The following ADARB2 variants were observed in gnomAD, a reference collection of about 807,000 sequenced individuals.
ADARB2 encodes the protein adenosine deaminase RNA specific B2 (inactive).
Under a neutral mutation model 62.2 loss-of-function variants are expected in ADARB2, and 25 were observed. The ratio of observed to expected loss-of-function variants is 0.40; its 90% CI spans 0.29 to 0.56. The LOEUF is 0.56. ADARB2 is among the 20% of genes least tolerant of loss of function. The probability of loss-of-function intolerance (pLI) is 0.43; values close to 1 mark genes in which losing one functional copy is unlikely to be tolerated. For missense variants in ADARB2, 1,071 were observed against 1,077.4 expected (o/e 0.99, Z 0.08); for synonymous variants, 572 against 500.8 (o/e 1.14, Z -1.90).
intron 1 of ADARB2, among the ~76,000 whole-genome samples, chr10:1,468,792 G>A (rs544439639): frequency 1.3e-5 from 2 of 152,374 alleles, no homozygotes; most frequent in South Asian, 2.1e-4. Flanking sequence ...AAGCTGCCAC[G>A]GAACAGGTGT....
At chr10:1,583,883 A>G (rs1300952905) in intron 1 of ADARB2, among the ~76,000 whole-genome samples, 1 of 152,220 alleles carries the variant, frequency 6.6e-6, no homozygotes, top group Non-Finnish European at 1.5e-5. Context: ...GGTTAGGGTT[A>G]AGGGTTGATT....
At chr10:1,297,673 G>A (rs1162782034) in intron 3 of ADARB2, among the ~76,000 whole-genome samples, 1 of 152,126 alleles carries the variant, frequency 6.6e-6, no homozygotes, top group Non-Finnish European at 1.5e-5. Context: ...AGATGCCCCT[G>A]CATGCAAATC....
intron 3 of ADARB2, among the ~76,000 whole-genome samples, chr10:1,308,744 T>C (rs1564253330): frequency 6.6e-6 from 1 of 152,208 alleles, no homozygotes; most frequent in Non-Finnish European, 1.5e-5. Context: ...TTTTCCATCA[T>C]ATAATTTATT....
chr10:1,418,626 G>A (rs1311744670), intron 1 of ADARB2, among the ~76,000 whole-genome samples: 1 of 152,166 alleles, frequency 6.6e-6, no homozygotes, highest in African/African-American at 2.4e-5. Context: ...AATTATTTCC[G>A]CTATTATCTT....
intron 1 of ADARB2, among the ~76,000 whole-genome samples, chr10:1,689,398 C>T (rs1027351327): frequency 6.6e-6 from 1 of 152,168 alleles, no homozygotes; most frequent in African/African-American, 2.4e-5. Context: ...TTTCCTTGGT[C>T]CTGCCAACCT....
chr10:1,464,353 G>T (rs867163574), intron 1 of ADARB2, among the ~76,000 whole-genome samples: 8 of 121,516 alleles, frequency 6.6e-5, no homozygotes, highest in African/African-American at 1.3e-4. Flanking sequence ...ACACACGCGC[G>T]GGGGCCAGTC....
chr10:1,339,769 C>A (rs548105243), intron 3 of ADARB2, among the ~76,000 whole-genome samples: 1 of 152,206 alleles, frequency 6.6e-6, no homozygotes, highest in Non-Finnish European at 1.5e-5. Context: ...AAACATCCAT[C>A]GATAGCAGGT....
intron 3 of ADARB2, among the ~76,000 whole-genome samples, chr10:1,301,073 A>T (rs1831568127): frequency 6.6e-6 from 1 of 152,184 alleles, no homozygotes; most frequent in Non-Finnish European, 1.5e-5. Context: ...AGGGCACATA[A>T]GCACTGGTCA....
intron 3 of ADARB2, among the ~76,000 whole-genome samples, chr10:1,299,789 G>A (rs1001804070): frequency 6.6e-6 from 1 of 152,188 alleles, no homozygotes; most frequent in Non-Finnish European, 1.5e-5. Flanking sequence ...TTTGGTTTGG[G>A]CTCCTGGGCA....
At chr10:1,232,883 GTA>G (rs1337083390) in intron 6 of ADARB2, among the ~76,000 whole-genome samples, 3 of 146,952 alleles carry the variant, frequency 2.0e-5, no homozygotes, top group African/African-American at 7.5e-5. Flanking sequence ...TGTGTGTGTT[GTA>G]TGTGTGTGGT....
intron 2 of ADARB2, among the ~76,000 whole-genome samples, chr10:1,372,620 G>A (rs984321381): frequency 3.9e-5 from 6 of 152,108 alleles, no homozygotes; most frequent in Non-Finnish European, 8.8e-5. Context: ...GTGGTGCCAG[G>A]GATTTGGGAT....
chr10:1,531,543 T>C (rs982618194), intron 1 of ADARB2, among the ~76,000 whole-genome samples: 2 of 152,178 alleles, frequency 1.3e-5, no homozygotes, highest in African/African-American at 4.8e-5. Context: ...AGCCACACAG[T>C]AATAGTGCTC....
intron 3 of ADARB2, among the ~76,000 whole-genome samples, chr10:1,360,508 G>A (rs1832242868): frequency 1.3e-5 from 2 of 152,240 alleles, no homozygotes; most frequent in Admixed American, 1.3e-4. Flanking sequence ...AGGAGGAAAA[G>A]CCACATTTAC....
intron 1 of ADARB2, among the ~76,000 whole-genome samples, chr10:1,524,268 C>T (rs758260299): frequency 2.0e-5 from 3 of 152,214 alleles, no homozygotes; most frequent in Non-Finnish European, 2.9e-5. Flanking sequence ...ACTACTAAGC[C>T]TCACAGGTGT....
At chr10:1,526,952 A>C (rs967856137) in intron 1 of ADARB2, 1 of 365,420 alleles carries the variant, frequency 2.7e-6, no homozygotes, top group African/African-American at 2.1e-5. Context: ...TTTGTTAATA[A>C]TTATGTGAAA....
At chr10:1,268,541 G>A (rs546269592) in intron 4 of ADARB2, among the ~76,000 whole-genome samples, 1 of 152,264 alleles carries the variant, frequency 6.6e-6, no homozygotes, top group East Asian at 1.9e-4. Flanking sequence ...AAAACATTGT[G>A]ACATATACAG....
At chr10:1,217,837 G>T (rs1297655276) in intron 6 of ADARB2, among the ~76,000 whole-genome samples, 2 of 152,048 alleles carry the variant, frequency 1.3e-5, no homozygotes, top group Non-Finnish European at 2.9e-5. Context: ...ATTACCAAGG[G>T]TCGCCATGGG....
intron 1 of ADARB2, among the ~76,000 whole-genome samples, chr10:1,485,055 A>G (rs1016752628): frequency 2.6e-5 from 4 of 151,900 alleles, no homozygotes; most frequent in Admixed American, 2.6e-4. Flanking sequence ...CGCTTGCAGG[A>G]AGGTACCTAT....
intron 1 of ADARB2, among the ~76,000 whole-genome samples, chr10:1,507,607 G>C (rs1831868840): frequency 6.6e-6 from 1 of 152,200 alleles, no homozygotes; most frequent in Admixed American, 6.5e-5. Context: ...GCAGGGACTG[G>C]AATCTACCAG....
Sources: allele counts gnomAD v4.1 joint callset (sites outside exome capture counted in the v4.1 genomes callset), GRCh38; gene constraint gnomAD v4.1.1; transcripts MANE v1.5; gene names NCBI Gene and HGNC (gene_info 2026-07-23, HGNC 2026-07-21).